RAD54L: variants seen among roughly 807,000 people sequenced by gnomAD.
RAD54L encodes the protein RAD54 like.
RAD54L carries 74 observed loss-of-function variants against 91.6 expected under a neutral mutation model. The observed-to-expected ratio is 0.81, with a 90% CI of 0.67 to 0.98. RAD54L has a LOEUF of 0.98. RAD54L is among the 50% of genes least tolerant of loss of function. RAD54L has a pLI of 0.00. For synonymous variants in RAD54L, 304 were observed against 349.7 expected (o/e 0.87, Z 1.46); for missense variants, 887 against 945.7 (o/e 0.94, Z 0.81).
At chr1:46,260,178 G>C (rs951259848) in intron 5 of RAD54L, 79 bp downstream of exon 5, 43 of 1,588,974 alleles carry the variant, frequency 2.7e-5, no homozygotes, top group Admixed American at 6.7e-5. Flanking sequence ...GGGTATTTTG[G>C]TGTGATTTCT....
Position 46,274,701 on chromosome 1 carries a change from T to C in RAD54L, c.1853T>C (p.Ile618Thr). 6.2e-7 allele frequency: 1 copy of C among 1,614,156 alleles called. No individual in the cohort carries two copies. The highest frequency in any genetic ancestry group is 8.5e-7 in the Non-Finnish European group (1 of 1,180,032). The change falls in exon 16 of 18, where the codon ATC becomes ACC. Residue 618 changes from isoleucine (I) to threonine (T), a missense_variant. By Grantham distance (89) the Ile-to-Thr change is moderately conservative. Transcript: ENST00000371975. The stretch of plus-strand genomic sequence containing the variant: ...GATGGTCAAAAGAAGACTTGCTATA[T>C]CTACCGCCTGCTGTCTGTAAGGATG... ...WRDGQKKTCY[I>T]YRLLSAGTIE... is the part of the protein sequence containing the mutation.
chr1:46,272,438 T>C (rs779107114), intron 10 of RAD54L, 28 bp from the exon 11 acceptor site: 3 of 1,560,580 alleles, frequency 1.9e-6, no homozygotes, highest in Non-Finnish European at 2.7e-6. Flanking sequence ...TTTACCAGCC[T>C]CTTGCCTTTT....
rs770860387 is a variant in RAD54L, at chr1:46,272,658, G to A, written c.1245-14G>A. The A allele has an allele frequency of 1.9e-6, 3 of 1,614,152 alleles. No individual in the cohort carries two copies. The highest frequency in any genetic ancestry group is 4.5e-5 in the East Asian group (2 of 44,878). On this transcript the variant is annotated splice_polypyrimidine_tract_variant and intron_variant, in intron 11 of 17. Coordinates refer to ENST00000371975, the MANE Select transcript of RAD54L (RefSeq NM_003579.4). Reference sequence around the variant, plus strand: ...TGGTCTAGCTTTTTCCACTGACCCAGCTGCCTTTTTTAGGCTGACACCCCT... The same window carrying A: ...TGGTCTAGCTTTTTCCACTGACCCAACTGCCTTTTTTAGGCTGACACCCCT...
At chr1:46,254,039 A>G (rs1328698267) in intron 3 of RAD54L, among the ~76,000 whole-genome samples, 1 of 151,508 alleles carries the variant, frequency 6.6e-6, no homozygotes, top group Non-Finnish European at 1.5e-5. Flanking sequence ...CGGTGGCGTG[A>G]TCTTGGCGCA....
Position 46,256,787 on chromosome 1 carries a change from T to A in RAD54L, c.211-1899T>A, listed in dbSNP as rs1030204993. 5.9e-5 allele frequency among the ~76,000 whole-genome samples: 9 copies of A among 152,210 alleles called. No individual in the cohort carries two copies. In the South Asian group the frequency reaches 8.3e-4, roughly 14 times the overall value. On this transcript the variant is annotated intron_variant, in intron 3 of 17. Coordinates refer to ENST00000371975, the MANE Select transcript of RAD54L (RefSeq NM_003579.4). ...ATTTAGTGTGATAAGGAAGTTCATTTCTACATACTTGTTTTCTGTCTTCTA... is the reference window on the plus strand; with the variant it reads ...ATTTAGTGTGATAAGGAAGTTCATTACTACATACTTGTTTTCTGTCTTCTA...
chr1:46,278,007 C>T (rs2148308324), intron 17 of RAD54L, 27 bp downstream of exon 17: 2 of 1,614,174 alleles, frequency 1.2e-6, no homozygotes, highest in East Asian at 2.2e-5. Context: ...ACCATTATCT[C>T]TAAGCTACCC....
rs750304183 is a variant in RAD54L at position 46,260,814 on chromosome 1, A to G, written c.565A>G (p.Lys189Glu). ...CATGGCTGATGAGATGGGCCTAGGA[A>G]AGACGCTGCAGTGCATCACATTGAT... ...CIMADEMGLG[K>E]TLQCITLMWT... Residue 189 changes from lysine to glutamate, a missense_variant, in exon 7 of 18, where the codon AAG (lysine) becomes GAG (glutamate). Physicochemically the swap from Lys to Glu is moderately conservative, Grantham distance 56 (BLOSUM62 1). Transcript: ENST00000371975. The G allele has an allele frequency of 6.2e-7, 1 of 1,614,236 alleles. No homozygotes were observed. The highest frequency in any genetic ancestry group is 1.1e-5 in the South Asian group (1 of 91,092).
chr1:46,249,948 T>C (rs374786860), intron 2 of RAD54L, 52 bp from the exon 3 acceptor site: 893 of 1,599,148 alleles, frequency 5.6e-4, no homozygotes, highest in Non-Finnish European at 7.1e-4. Flanking sequence ...GTTGCCATTA[T>C]GGTGATTTCT....
intron 3 of RAD54L, among the ~76,000 whole-genome samples, chr1:46,257,709 C>T (rs1305014884): frequency 6.6e-6 from 1 of 152,204 alleles, no homozygotes; most frequent in Non-Finnish European, 1.5e-5. Flanking sequence ...ATGTCCCTTT[C>T]TCATGTTCCT....
In RAD54L at chr1:46,256,279, A is replaced by G. The variant is rs140380937; in HGVS notation, c.211-2407A>G. 1.8e-4 allele frequency among the ~76,000 whole-genome samples: 27 copies of G among 152,154 alleles called. 1 individual carries two copies. Among genetic ancestry groups the G allele is most frequent in the African/African-American group, 6.3e-4 (26 of 41,512 alleles). ...ACGGGGTGTGTGGGGGGGTCTCACT[A>G]CGTTGCCTAGGGTGGTCTCAAAATC... On this transcript the variant is annotated intron_variant, in intron 3 of 17. Transcript: ENST00000371975.
chr1:46,270,900 G>A, intron 10 of RAD54L, 115 bp downstream of exon 10: 2 of 1,414,222 alleles, frequency 1.4e-6, no homozygotes, highest in Non-Finnish European at 2.0e-6. Context: ...AAGGGAGTGG[G>A]TTCTGTGTCC....
At chr1:46,248,987 G>A (rs547104926) in intron 2 of RAD54L, among the ~76,000 whole-genome samples, 2 of 152,228 alleles carry the variant, frequency 1.3e-5, no homozygotes, top group African/African-American at 4.8e-5. Flanking sequence ...GGGCTCACTT[G>A]GGCCTAGATC....
intron 3 of RAD54L, among the ~76,000 whole-genome samples, chr1:46,251,553 G>A (rs991571665): frequency 1.3e-5 from 2 of 151,958 alleles, no homozygotes; most frequent in East Asian, 3.9e-4. Flanking sequence ...TGGCAACAGA[G>A]TGAGACCACC....
At chr1:46,249,104 G>C (rs1659733185) in intron 2 of RAD54L, among the ~76,000 whole-genome samples, 1 of 152,208 alleles carries the variant, frequency 6.6e-6, no homozygotes, top group African/African-American at 2.4e-5. Flanking sequence ...GTTGGGGCTG[G>C]CTGTGGGCAG....
At position 46,260,100 on chromosome 1, in the gene RAD54L, G is replaced by A. The variant is rs201801900; in HGVS notation, c.407+1G>A. 2.0e-5 allele frequency: 32 copies of A among 1,614,106 alleles called. No homozygotes were observed. Among genetic ancestry groups the A allele is most frequent in the Non-Finnish European group, 2.5e-5 (29 of 1,180,054 alleles). On this transcript the variant is annotated splice_donor_variant, in intron 5 of 17. Transcript: ENST00000371975. LOFTEE classifies it high-confidence loss of function. ...CTCATGACCAGCTGAAGCTTGACAA[G>A]TATGTGCACTGGTATTTCATAAGCA...
In RAD54L at chr1:46,261,092, C is replaced by T. The variant is rs1023131354; in HGVS notation, c.766+77C>T. On this transcript the variant is annotated intron_variant, in intron 7 of 17. Transcript: ENST00000371975. The stretch of plus-strand genomic sequence containing the variant: ...TCTTACGTGTATGCTCATTTATGGC[C>T]AGGGTGGAGGGCAATGCAGGGGTAG... 7 of 1,568,512 alleles carry T rather than the reference C, an allele frequency of 4.5e-6. No individual in the cohort carries two copies. In the East Asian group the frequency reaches 7.0e-5, roughly 16 times the overall value.
intron 16 of RAD54L, among the ~76,000 whole-genome samples, chr1:46,276,018 T>C (rs917511785): frequency 2.6e-5 from 4 of 152,148 alleles, no homozygotes; most frequent in African/African-American, 9.7e-5. Context: ...ACCTCTCTGA[T>C]TACTCATTAT....
In RAD54L at chr1:46,272,821, C is replaced by T; in HGVS notation, c.1375+19C>T. ...TGTAATCGTGAGTTGGGCTTGTGTCCTGGTGTCCTCTGTGAGAGTGAGCAA... is the reference window on the plus strand; with the variant it reads ...TGTAATCGTGAGTTGGGCTTGTGTCTTGGTGTCCTCTGTGAGAGTGAGCAA... On this transcript the variant is annotated intron_variant, in intron 12 of 17. Transcript: ENST00000371975. 1.2e-6 allele frequency: 2 copies of T among 1,613,894 alleles called. No homozygotes were observed. The highest frequency in any genetic ancestry group is 1.7e-6 in the Non-Finnish European group (2 of 1,179,934).
intron 10 of RAD54L, among the ~76,000 whole-genome samples, 194 bp downstream of exon 10, chr1:46,270,979 TC>T (rs1462302532): frequency 1.3e-5 from 2 of 152,204 alleles, no homozygotes; most frequent in African/African-American, 4.8e-5. Context: ...TGGCTTGGGC[TC>T]TGTGGTCTGG....
Sources: gnomAD v4.1 joint callset for allele counts (sites outside exome capture counted in the v4.1 genomes callset) on GRCh38, gnomAD v4.1.1 for gene constraint, MANE v1.5 for transcripts, NCBI Gene and HGNC (gene_info 2026-07-23, HGNC 2026-07-21) for gene names.